Variants in NRAP observed in about 807,000 individuals in gnomAD.
The protein encoded by NRAP is nebulin-related-anchoring protein.
In NRAP, 189 loss-of-function variants were observed where a neutral mutation model predicts 225.9. That is an observed-to-expected ratio of 0.84 (90% CI 0.74 to 0.94). The LOEUF (loss-of-function observed/expected upper bound fraction) is 0.94, where lower values mean the gene tolerates loss of function less well. Among genes scored for constraint, NRAP ranks in the 40% least tolerant of loss-of-function variants. NRAP has a pLI of 0.00. For missense variants in NRAP, 2,176 were observed against 2,168.7 expected (o/e 1.00, Z -0.07); for synonymous variants, 769 against 790.7 (o/e 0.97, Z 0.46).
At position 113,617,516 on chromosome 10, in the gene NRAP, G is replaced by A; in HGVS notation, c.2912C>T (p.Thr971Ile). Residue 971 changes from threonine to isoleucine, a missense_variant, in exon 26 of 42, where the codon ACC becomes ATC. This residue lies in a region of NRAP where 1,708 missense variants were observed against 1,695.5 expected (regional missense o/e 1.01). Coordinates refer to ENST00000359988, the MANE Select transcript of NRAP (RefSeq NM_198060.4). Reference protein sequence around the residue: ...YRQHPDALKFTSIKDTPEMVQ... With the variant: ...YRQHPDALKFISIKDTPEMVQ... ...CATCTCCGGAGTGTCTTTAATACTGGTAAACTTCAAAGCATCTGGATGCTG... is the reference window on the plus strand; with the variant it reads ...CATCTCCGGAGTGTCTTTAATACTGATAAACTTCAAAGCATCTGGATGCTG... The A allele has an allele frequency of 1.2e-6, 2 of 1,612,684 alleles. No homozygotes were observed. Among genetic ancestry groups the A allele is most frequent in the Middle Eastern group, 1.6e-4 (1 of 6,062 alleles).
chr10:113,599,649 T>C (rs1324850014), intron 35 of NRAP, among the ~76,000 whole-genome samples: 3 of 152,166 alleles, frequency 2.0e-5, no homozygotes, highest in East Asian at 1.9e-4. Flanking sequence ...TCTATTGATA[T>C]CTCAGCTCCC....
intron 39 of NRAP, 70 bp downstream of exon 39, chr10:113,592,124 C>T (rs1846026960): frequency 3.2e-6 from 3 of 929,116 alleles, no homozygotes; most frequent in Non-Finnish European, 4.9e-6. Flanking sequence ...GGTGGTTTGC[C>T]TTTCAACAGA....
chr10:113,594,428 C>A (rs1399838105), intron 38 of NRAP, among the ~76,000 whole-genome samples: 4 of 152,188 alleles, frequency 2.6e-5, no homozygotes, highest in Non-Finnish European at 5.9e-5. Context: ...CCTGGGGTGG[C>A]TCTCCTCCTC....
chr10:113,639,032 C>T (rs1849040984), intron 14 of NRAP, among the ~76,000 whole-genome samples: 1 of 140,316 alleles, frequency 7.1e-6, no homozygotes, highest in African/African-American at 2.7e-5. Context: ...TGCAAAAGCA[C>T]ATATTCAAAT....
In NRAP at chr10:113,612,238, C is replaced by G. The variant is rs1564714090; in HGVS notation, c.3494G>C (p.Ser1165Thr). The G allele has an allele frequency of 6.2e-7, 1 of 1,614,042 alleles. No homozygotes were observed. Among genetic ancestry groups the G allele is most frequent in the Admixed American group, 1.7e-5 (1 of 60,018 alleles). ...SCAKKAHKLQ[S>T]ENLYRSDLNF... The stretch of plus-strand genomic sequence containing the variant: ...AAAGAGGCCAGGTCTCCTTACCTCA[C>G]TCTGCAATTTGTGAGCTTTCTTGGC... The change falls in exon 30 of 42, where the codon AGT (serine) becomes ACT (threonine). Residue 1165 changes from serine to threonine, a missense_variant. Ser to Thr is a moderately conservative substitution (Grantham distance 58, BLOSUM62 1). Transcript: ENST00000359988.
chr10:113,655,765 T>G (rs1215473356), intron 4 of NRAP, among the ~76,000 whole-genome samples: 1 of 152,186 alleles, frequency 6.6e-6, no homozygotes, highest in African/African-American at 2.4e-5. Context: ...TATCCATACT[T>G]AATGGTGCAC....
intron 12 of NRAP, among the ~76,000 whole-genome samples, chr10:113,642,111 G>A (rs1346813135): frequency 6.6e-6 from 1 of 152,150 alleles, no homozygotes; most frequent in African/African-American, 2.4e-5. Flanking sequence ...TACTGCTAGT[G>A]TTTAAACAGA....
In NRAP at chr10:113,663,363, C is replaced by T. The variant is rs59337196; in HGVS notation, c.156G>A (p.Pro52=). 241 of 1,606,802 alleles carry T rather than the reference C, an allele frequency of 1.5e-4. No homozygotes were observed. The highest frequency in any genetic ancestry group is 8.7e-4 in the African/African-American group (65 of 74,898). The change falls in exon 2 of 42, where the codon CCG becomes CCA. Residue 52 remains proline (P), a synonymous_variant. Transcript: ENST00000359988. ...VNNFVSHQKK[P]YCHAHNPKNN... ...CATCAAACACTTACGCGTGACAGTA[C>T]GGCTTTTTCTGGTGACTCACAAAGT...
chr10:113,639,286 T>G (rs2134084568), intron 14 of NRAP, among the ~76,000 whole-genome samples: 1 of 152,294 alleles, frequency 6.6e-6, no homozygotes, highest in Admixed American at 6.5e-5. Flanking sequence ...AAATATCATT[T>G]GCCAATGATT....
intron 14 of NRAP, 46 bp from the exon 15 acceptor site, chr10:113,634,256 A>AG: frequency 1.5e-6 from 2 of 1,377,042 alleles, no homozygotes; most frequent in Non-Finnish European, 1.0e-6. Flanking sequence ...TCTTTTCTCA[A>AG]AGATTTGCTT....
At chr10:113,593,063 A>G (rs1846086347) in intron 38 of NRAP, among the ~76,000 whole-genome samples, 1 of 151,806 alleles carries the variant, frequency 6.6e-6, no homozygotes, top group Non-Finnish European at 1.5e-5. Context: ...TTTTTTTTTC[A>G]AGATAAGGGA....
chr10:113,590,540 G>A lies in NRAP; in HGVS notation c.4956+38C>T, dbSNP rs144508270. 3.0e-5 allele frequency: 48 copies of A among 1,581,238 alleles called. No homozygotes were observed. In the African/African-American group the frequency reaches 5.8e-4, roughly 19 times the overall value. On this transcript the variant is annotated intron_variant, in intron 40 of 41. Transcript: ENST00000359988. Reference sequence around the variant, plus strand: ...GGCCATCTCTTAGGAAGAGGCACCAGGGGAAGGGCCTCAAGGGAGTGGGTG... The same window carrying A: ...GGCCATCTCTTAGGAAGAGGCACCAAGGGAAGGGCCTCAAGGGAGTGGGTG...
At chr10:113,638,750 A>G (rs1849022763) in intron 14 of NRAP, among the ~76,000 whole-genome samples, 1 of 152,242 alleles carries the variant, frequency 6.6e-6, no homozygotes, top group South Asian at 2.1e-4. Context: ...TAAAACAACA[A>G]CAACAACAAC....
At chr10:113,597,319 G>T (rs12241995) in intron 36 of NRAP, 135 bp from the exon 37 acceptor site, 3 of 636,794 alleles carry the variant, frequency 4.7e-6, no homozygotes, top group Non-Finnish European at 8.6e-6. Context: ...CTTCTTGGTA[G>T]GTACCTAACA....
At chr10:113,651,237 A>G (rs1423329759) in intron 7 of NRAP, among the ~76,000 whole-genome samples, 1 of 152,212 alleles carries the variant, frequency 6.6e-6, no homozygotes, top group Non-Finnish European at 1.5e-5. Flanking sequence ...AATGTCTCAT[A>G]CATTCTCCCT....
At chr10:113,590,505 G>T in intron 40 of NRAP, 73 bp downstream of exon 40, 1 of 1,439,098 alleles carries the variant, frequency 6.9e-7, no homozygotes, top group South Asian at 1.2e-5. Flanking sequence ...ACAATGGAAC[G>T]TGGCATTATG....
rs762548989 is a variant in NRAP, at chr10:113,642,939, T to C, written c.1210A>G (p.Ser404Gly). ...RNVSKISKFT[S>G]DNKYKENYQN... Reference sequence around the variant, plus strand: ...GCTTAGCGTTAACAACTCACATCACTGGTAAATTTTGAGATCTTGCTCACG... The same window carrying C: ...GCTTAGCGTTAACAACTCACATCACCGGTAAATTTTGAGATCTTGCTCACG... The change falls in exon 12 of 42, where the codon AGT (serine) becomes GGT (glycine). Residue 404 changes from serine (S) to glycine (G), a missense_variant. Physicochemically the swap from Ser to Gly is moderately conservative, Grantham distance 56. Around this residue, in one of 3 missense-constraint regions of NRAP, gnomAD observed 1,708 missense variants for 1,695.5 expected, o/e 1.01. Coordinates refer to ENST00000359988, the MANE Select transcript of NRAP (RefSeq NM_198060.4). 4.5e-6 allele frequency: 7 copies of C among 1,568,958 alleles called. No individual in the cohort carries two copies. The highest frequency in any genetic ancestry group is 6.1e-6 in the Non-Finnish European group (7 of 1,138,660).
At chr10:113,622,843 AAGATAAAG>A (rs371947157) in intron 23 of NRAP, among the ~76,000 whole-genome samples, 11 of 152,342 alleles carry the variant, frequency 7.2e-5, no homozygotes, top group African/African-American at 2.6e-4. Context: ...AACTAAGAAC[AAGATAAAG>A]AGCTTATGTC....
intron 1 of NRAP, 151 bp downstream of exon 1, chr10:113,663,660 A>G: frequency 1.5e-6 from 1 of 670,164 alleles, no homozygotes; most frequent in Non-Finnish European, 2.6e-6. Flanking sequence ...AATGTGTAGA[A>G]CTAAATAAAG....
Sources: allele counts gnomAD v4.1 joint callset (sites outside exome capture counted in the v4.1 genomes callset), GRCh38; gene constraint gnomAD v4.1.1; regional missense constraint gnomAD v4.1.1; transcripts MANE v1.5; gene names NCBI Gene and HGNC (gene_info 2026-07-23, HGNC 2026-07-21).